FHIT: variants seen among roughly 807,000 people sequenced by gnomAD.
The protein encoded by FHIT is fragile histidine triad diadenosine triphosphatase.
In FHIT, 19 loss-of-function variants were observed where a neutral mutation model predicts 17.9. The observed-to-expected ratio is 1.06, with a 90% CI of 0.74 to 1.56. FHIT has a LOEUF of 1.56. Ranked by LOEUF, FHIT falls within the 40% of genes most tolerant of loss-of-function variation. The pLI is 0.00. For missense variants in FHIT, 248 were observed against 189.2 expected (o/e 1.31, Z -1.82); for synonymous variants, 81 against 69.7 (o/e 1.16, Z -0.81).
At chr3:60,361,786 C>A (rs1232637402) in intron 5 of FHIT, among the ~76,000 whole-genome samples, 1 of 152,178 alleles carries the variant, frequency 6.6e-6, no homozygotes, top group Admixed American at 6.6e-5. Flanking sequence ...TCTCTCCTGA[C>A]TCGTACAAAC....
intron 7 of FHIT, among the ~76,000 whole-genome samples, chr3:59,974,993 T>C (rs753148313): frequency 1.3e-5 from 2 of 152,164 alleles, no homozygotes; most frequent in Non-Finnish European, 2.9e-5. Context: ...GCTTTACTTT[T>C]CTTCATTGCA....
At chr3:60,329,009 C>T (rs1709834078) in intron 5 of FHIT, among the ~76,000 whole-genome samples, 1 of 152,136 alleles carries the variant, frequency 6.6e-6, no homozygotes, top group South Asian at 2.1e-4. Flanking sequence ...TTCTTTCATC[C>T]CAGCAACTTT....
chr3:60,230,618 T>C (rs1032730656), intron 5 of FHIT, among the ~76,000 whole-genome samples: 5 of 152,218 alleles, frequency 3.3e-5, no homozygotes, highest in African/African-American at 4.8e-5. Flanking sequence ...GTTCAGGACA[T>C]TGGGGAAAAC....
chr3:60,413,739 T>A (rs541689812), intron 5 of FHIT, among the ~76,000 whole-genome samples: 1 of 152,162 alleles, frequency 6.6e-6, no homozygotes, highest in Non-Finnish European at 1.5e-5. Flanking sequence ...ACTGGTAGTA[T>A]GTAGTTGTCC....
At chr3:60,663,315 C>G (rs1331477303) in intron 4 of FHIT, among the ~76,000 whole-genome samples, 3 of 151,318 alleles carry the variant, frequency 2.0e-5, no homozygotes, top group African/African-American at 7.3e-5. Flanking sequence ...TCAATTTGGG[C>G]AGAACTGACA....
intron 5 of FHIT, among the ~76,000 whole-genome samples, chr3:60,390,434 A>G (rs1701182783): frequency 6.8e-6 from 1 of 146,314 alleles, no homozygotes; most frequent in African/African-American, 2.5e-5. Flanking sequence ...AAAAACCCGT[A>G]CCCTCTAGTA....
chr3:60,749,071 G>A (rs1298062499), intron 4 of FHIT, among the ~76,000 whole-genome samples: 1 of 152,128 alleles, frequency 6.6e-6, no homozygotes, highest in Admixed American at 6.5e-5. Flanking sequence ...GAAAGAATAA[G>A]CAGGTTTCTA....
At chr3:60,913,706 G>C (rs1706856433) in intron 3 of FHIT, among the ~76,000 whole-genome samples, 2 of 152,300 alleles carry the variant, frequency 1.3e-5, no homozygotes, top group South Asian at 4.1e-4. Context: ...GGTGTTGACT[G>C]GGGTAGTTCA....
chr3:60,935,231 A>G (rs534872149), intron 3 of FHIT, among the ~76,000 whole-genome samples: 1 of 152,354 alleles, frequency 6.6e-6, no homozygotes, highest in Middle Eastern at 3.4e-3. Context: ...AAATCCATGT[A>G]TTCTTCCTTA....
At chr3:59,788,881 G>GTTTTTTTTGTTTTTTTTTTTTTTTTTT (rs1553677019) in intron 8 of FHIT, among the ~76,000 whole-genome samples, 2 of 86,804 alleles carry the variant, frequency 2.3e-5, no homozygotes, top group African/African-American at 9.2e-5. Flanking sequence ...GAGTTCATAT[G>GTTTTTTTTGTTTTTTTTTTTTTTTTTT]TTTTTTTTTT....
chr3:60,701,159 T>C (rs1364470608), intron 4 of FHIT, among the ~76,000 whole-genome samples: 1 of 151,450 alleles, frequency 6.6e-6, no homozygotes, highest in Non-Finnish European at 1.5e-5. Flanking sequence ...GATCTCCCTT[T>C]GTTGTCCAGG....
chr3:60,510,965 C>G (rs761458341), intron 5 of FHIT, among the ~76,000 whole-genome samples: 28 of 152,010 alleles, frequency 1.8e-4, no homozygotes, highest in Admixed American at 3.3e-4. Context: ...AGAATAAATT[C>G]CAGTAAGGGG....
intron 3 of FHIT, among the ~76,000 whole-genome samples, chr3:60,950,683 A>AT (rs80205990): frequency 0.018 from 2,580 of 144,782 alleles, 67 homozygotes; most frequent in African/African-American, 0.059. Flanking sequence ...CACCTGGCTA[A>AT]TTTTTTTTTT....
intron 5 of FHIT, among the ~76,000 whole-genome samples, chr3:60,151,366 A>G (rs1041101217): frequency 6.6e-6 from 1 of 152,186 alleles, no homozygotes; most frequent in Admixed American, 6.5e-5. Context: ...TCACACCATT[A>G]TCATCAAGTT....
At chr3:60,110,078 G>C (rs904332873) in intron 5 of FHIT, among the ~76,000 whole-genome samples, 1 of 152,086 alleles carries the variant, frequency 6.6e-6, no homozygotes, top group African/African-American at 2.4e-5. Flanking sequence ...GGCTATAAAG[G>C]AAACAGGAAA....
intron 8 of FHIT, among the ~76,000 whole-genome samples, chr3:59,846,871 G>GT (rs549890718): frequency 3.8e-4 from 57 of 151,920 alleles, no homozygotes; most frequent in African/African-American, 1.3e-3. Flanking sequence ...TTGGCTGACA[G>GT]TTTTTTTTCT....
At chr3:59,804,219 G>T (rs2106999107) in intron 8 of FHIT, among the ~76,000 whole-genome samples, 1 of 152,294 alleles carries the variant, frequency 6.6e-6, no homozygotes, top group East Asian at 1.9e-4. Context: ...AGAGTTTATG[G>T]CTCCTCCTCA....
At chr3:60,228,895 C>T (rs1420963140) in intron 5 of FHIT, among the ~76,000 whole-genome samples, 1 of 151,992 alleles carries the variant, frequency 6.6e-6, no homozygotes, top group Admixed American at 6.6e-5. Context: ...CTATAAAATA[C>T]GTAGAACATT....
chr3:60,119,284 G>T (rs1363524020), intron 5 of FHIT, among the ~76,000 whole-genome samples: 1 of 151,898 alleles, frequency 6.6e-6, no homozygotes, highest in Non-Finnish European at 1.5e-5. Flanking sequence ...TGTTGGCCAG[G>T]CTGGTCTCGA....
Sources: gnomAD v4.1 joint callset for allele counts (sites outside exome capture counted in the v4.1 genomes callset) on GRCh38, gnomAD v4.1.1 for gene constraint, MANE v1.5 for transcripts, NCBI Gene and HGNC (gene_info 2026-07-23, HGNC 2026-07-21) for gene names.